The following NCALD variants were observed in gnomAD, a reference collection of about 807,000 sequenced individuals.
NCALD encodes neurocalcin-delta.
In NCALD, 10 loss-of-function variants were observed where a neutral mutation model predicts 18.6. The ratio of observed to expected loss-of-function variants is 0.54; its 90% CI spans 0.33 to 0.91. NCALD has a LOEUF of 0.91. Ranked by LOEUF, NCALD falls within the 40% of genes least tolerant of loss-of-function variation. The pLI is 0.03. For synonymous variants in NCALD, 88 were observed against 87.4 expected (o/e 1.01, Z -0.04); for missense variants, 184 against 247.6 (o/e 0.74, Z 1.72).
intron 2 of NCALD, among the ~76,000 whole-genome samples, chr8:101,695,337 G>T (rs1055221183): frequency 6.6e-6 from 1 of 152,270 alleles, no homozygotes; most frequent in East Asian, 1.9e-4. Context: ...GGGCTGGATT[G>T]TTCCTTCTCC....
At chr8:101,763,347 A>G (rs1436519609) in intron 1 of NCALD, among the ~76,000 whole-genome samples, 2 of 152,166 alleles carry the variant, frequency 1.3e-5, no homozygotes, top group Non-Finnish European at 2.9e-5. Flanking sequence ...GAAGGTAAAC[A>G]AAATTTTCTG....
chr8:101,703,047 A>G (rs187773265), intron 2 of NCALD, among the ~76,000 whole-genome samples: 3 of 152,344 alleles, frequency 2.0e-5, no homozygotes. Flanking sequence ...GTTACAAAAC[A>G]TCTATGAACA....
chr8:101,827,937 A>G (rs544385545), intron 4 of NCALD, among the ~76,000 whole-genome samples: 6 of 152,326 alleles, frequency 3.9e-5, no homozygotes, highest in African/African-American at 1.2e-4. Context: ...AAAAGGAGAT[A>G]GTTTGTAATT....
At chr8:102,039,039 A>G (rs917622525) in intron 1 of NCALD, among the ~76,000 whole-genome samples, 3 of 152,140 alleles carry the variant, frequency 2.0e-5, no homozygotes, top group Admixed American at 2.0e-4. Flanking sequence ...GCGTGCAAGA[A>G]AACAGGGACT....
chr8:101,934,674 C>T (rs537080892), intron 2 of NCALD, among the ~76,000 whole-genome samples: 2,869 of 151,052 alleles, frequency 0.019, 85 homozygotes, highest in African/African-American at 0.066. Context: ...TTAGATATGA[C>T]AGGAAAAAAA....
chr8:101,769,765 T>C (rs567909788), intron 1 of NCALD, among the ~76,000 whole-genome samples: 1 of 152,316 alleles, frequency 6.6e-6, no homozygotes, highest in East Asian at 1.9e-4. Context: ...GAAAAGTGTG[T>C]CCCTGTTTGT....
At chr8:101,781,830 T>C (rs1812025486) in intron 1 of NCALD, among the ~76,000 whole-genome samples, 1 of 151,986 alleles carries the variant, frequency 6.6e-6, no homozygotes, top group African/African-American at 2.4e-5. Context: ...ATATACACTT[T>C]TTTGCATGTA....
intron 4 of NCALD, among the ~76,000 whole-genome samples, chr8:101,804,418 T>C (rs1362876013): frequency 3.1e-5 from 4 of 128,834 alleles, no homozygotes; most frequent in Admixed American, 8.2e-5. Flanking sequence ...AAATATATAC[T>C]ATTTATAACT....
In NCALD at chr8:102,100,264, T is replaced by A. The variant is rs117043032; in HGVS notation, c.-210+23973A>T. ...ACAATCAAATATATTGCAAATTTCT[T>A]CCTCAAATAGGAGCTTTTCATAACT... On this transcript the variant is annotated intron_variant, in intron 1 of 6. Transcript: ENST00000311028. Among the ~76,000 whole-genome samples, 1,088 of 152,334 alleles carry A rather than the reference T, an allele frequency of 7.1e-3. 7 individuals are homozygous for A. The highest frequency in any genetic ancestry group is 0.027 in the Middle Eastern group (8 of 294).
intron 4 of NCALD, among the ~76,000 whole-genome samples, chr8:101,813,493 G>A (rs902392106): frequency 4.6e-5 from 7 of 152,018 alleles, no homozygotes; most frequent in Non-Finnish European, 4.4e-5. Context: ...ACAGCTAGTC[G>A]GTGGCAGATT....
intron 4 of NCALD, among the ~76,000 whole-genome samples, chr8:101,824,666 C>A (rs1703034656): frequency 1.3e-5 from 2 of 152,088 alleles, no homozygotes; most frequent in African/African-American, 4.8e-5. Context: ...TTTACTTCAT[C>A]TTGACAATAA....
chr8:101,692,589 A>G (rs1018259381), intron 3 of NCALD: 1 of 985,224 alleles, frequency 1.0e-6, no homozygotes, highest in African/African-American at 1.7e-5. Context: ...GAGGATAGAA[A>G]AAACTAGAAA....
chr8:101,890,790 G>C (rs972957242), intron 3 of NCALD, among the ~76,000 whole-genome samples: 6 of 152,220 alleles, frequency 3.9e-5, no homozygotes, highest in African/African-American at 1.4e-4. Flanking sequence ...TTTAGTTATA[G>C]CAGTACAGAC....
chr8:102,054,694 A>G lies in NCALD; in HGVS notation c.-209-34405T>C, dbSNP rs1238106523. 2.6e-5 allele frequency among the ~76,000 whole-genome samples: 3 copies of G among 117,638 alleles called. No homozygotes were observed. The South Asian group carries it at 1.0e-3, about 41-fold the overall frequency. The allele number at this position is 117,638 out of a possible 152,430, so 77.2% of individuals were successfully genotyped here. On this transcript the variant is annotated intron_variant, in intron 1 of 6. Coordinates refer to the NCALD transcript ENST00000311028. ...GATAGATAGATAGATAGATAGATAG[A>G]TAGATAGATAGATAGATAGATAGAT...
chr8:101,900,852 T>C (rs1213824676), intron 3 of NCALD, among the ~76,000 whole-genome samples: 1 of 152,062 alleles, frequency 6.6e-6, no homozygotes, highest in Non-Finnish European at 1.5e-5. Context: ...ATCTAGTTGA[T>C]TGATAATGTT....
chr8:101,690,904 T>C (rs1814696608), intron 3 of NCALD: 4 of 985,298 alleles, frequency 4.1e-6, no homozygotes, highest in Non-Finnish European at 4.8e-6. Flanking sequence ...CAGCTGGAGG[T>C]AGCAGGGGCA....
intron 1 of NCALD, among the ~76,000 whole-genome samples, chr8:102,082,371 C>A (rs1051891479): frequency 2.0e-5 from 3 of 151,674 alleles, no homozygotes; most frequent in Non-Finnish European, 4.4e-5. Context: ...GTAGCTGGGA[C>A]TACAGGTGCC....
chr8:101,995,848 G>T (rs528760000), intron 2 of NCALD, among the ~76,000 whole-genome samples: 37 of 152,310 alleles, frequency 2.4e-4, no homozygotes, highest in Middle Eastern at 3.4e-3. Context: ...AGCACCAATT[G>T]TTCCAGCAAC....
intron 1 of NCALD, among the ~76,000 whole-genome samples, chr8:101,751,279 T>C (rs538638103): frequency 1.3e-5 from 2 of 152,262 alleles, no homozygotes; most frequent in African/African-American, 4.8e-5. Context: ...ATGAGGTACC[T>C]AGAATGGGCA....
Sources: gnomAD v4.1 joint callset for allele counts (sites outside exome capture counted in the v4.1 genomes callset) on GRCh38, gnomAD v4.1.1 for gene constraint, MANE v1.5 for transcripts, NCBI Gene and HGNC (gene_info 2026-07-23, HGNC 2026-07-21) for gene names.